The following ARSD variants were observed in gnomAD, a reference collection of about 807,000 sequenced individuals.
The protein encoded by ARSD is testis tissue sperm-binding protein Li 39a.
A neutral mutation model predicts 32.6 loss-of-function variants in ARSD; 21 were observed. The ratio of observed to expected loss-of-function variants is 0.64; its 90% CI spans 0.46 to 0.93. The LOEUF is 0.93. Among genes scored for constraint, ARSD ranks in the 40% least tolerant of loss-of-function variants. The pLI is 0.00. For synonymous variants in ARSD, 224 were observed against 237.4 expected (o/e 0.94, Z 0.52); for missense variants, 454 against 520.9 (o/e 0.87, Z 1.25).
intron 3 of ARSD, 110 bp from the exon 4 acceptor site, chrX:2,920,833 T>TGCTATTATCTATCATCCA: frequency 2.1e-6 from 2 of 959,656 alleles, no homozygotes; most frequent in South Asian, 4.7e-5. Flanking sequence ...CGAGCCAGGC[T>TGCTATTATCTATCATCCA]GCTATTATCT....
At chrX:2,914,528 C>T (rs1339995769) in intron 6 of ARSD, 1 of 947,947 alleles carries the variant, frequency 1.1e-6, no homozygotes, top group Non-Finnish European at 1.3e-6. Flanking sequence ...GCATGAGCCA[C>T]CTTGCCCCAC....
chrX:2,927,579 C>G (rs181351549), intron 1 of ARSD, among the ~76,000 whole-genome samples: 5 of 112,215 alleles, frequency 4.5e-5, no homozygotes, highest in African/African-American at 1.6e-4. Flanking sequence ...AGGCATGAGC[C>G]ACCTCGCCTG....
intron 2 of ARSD, 60 bp from the exon 3 acceptor site, chrX:2,922,084 T>A: frequency 8.8e-7 from 1 of 1,133,566 alleles, no homozygotes; most frequent in South Asian, 2.2e-5. Flanking sequence ...CTTAAGCAGA[T>A]CCCTGCTCTG....
At chrX:2,927,872 A>C (rs2089100671) in intron 1 of ARSD, among the ~76,000 whole-genome samples, 1 of 111,512 alleles carries the variant, frequency 9.0e-6, no homozygotes, top group East Asian at 2.8e-4. Flanking sequence ...CTTCAGTTAC[A>C]TGAGGTGAGC....
At chrX:2,925,114 T>C (rs2089069391) in intron 2 of ARSD, among the ~76,000 whole-genome samples, 1 of 112,546 alleles carries the variant, frequency 8.9e-6, no homozygotes, top group African/African-American at 3.2e-5. Context: ...ACAACAGACG[T>C]TGTTTGCAAA....
intron 1 of ARSD, among the ~76,000 whole-genome samples, chrX:2,928,462 G>A (rs1196881764): frequency 2.6e-5 from 2 of 76,936 alleles, no homozygotes; most frequent in African/African-American, 1.0e-4. Flanking sequence ...AGTGGGATGA[G>A]GGGGAGGGCA....
intron 1 of ARSD, among the ~76,000 whole-genome samples, chrX:2,928,676 G>A (rs1334943651): frequency 3.0e-5 from 3 of 100,946 alleles, no homozygotes; most frequent in Non-Finnish European, 6.0e-5. Context: ...TCGAGCTGGG[G>A]GGTTGGGGGC....
chrX:2,913,800 G>A (rs888572108), intron 6 of ARSD: 2 of 843,769 alleles, frequency 2.4e-6, no homozygotes, highest in African/African-American at 4.3e-5. Flanking sequence ...AGAATCGGCG[G>A]TGGGGCCTGG....
intron 1 of ARSD, among the ~76,000 whole-genome samples, chrX:2,927,521 G>GACCTCA (rs1210073431): frequency 9.0e-6 from 1 of 111,626 alleles, no homozygotes; most frequent in African/African-American, 3.3e-5. Flanking sequence ...TCAAACTCCT[G>GACCTCA]ACCTCAGGTG....
At position 2,909,917 on chromosome X, in the gene ARSD, C is replaced by T; in HGVS notation, c.1198G>A (p.Gly400Arg). ...IRVPGIFHWP[G>R]VLPAGRVIGE... The stretch of plus-strand genomic sequence containing the variant: ...ATCACTCGGCCGGCCGGGAGCACCC[C>T]CGGCCAGTGGAAGATCCCGGGCACG... Residue 400 changes from glycine (G) to arginine (R), a missense_variant, in exon 8 of 10, where the codon GGG becomes AGG. By Grantham distance (125) the Gly-to-Arg change is moderately radical. Around this residue, in one of 3 missense-constraint regions of ARSD, gnomAD observed 179 missense variants for 198.5 expected, o/e 0.90. Transcript: ENST00000381154. 3 of 1,211,155 alleles carry T rather than the reference C, an allele frequency of 2.5e-6. No homozygotes were observed. Among genetic ancestry groups the T allele is most frequent in the Non-Finnish European group, 3.4e-6 (3 of 895,389 alleles).
intron 7 of ARSD, among the ~76,000 whole-genome samples, 170 bp downstream of exon 7, chrX:2,910,488 AC>A (rs1410220663): frequency 1.8e-5 from 2 of 111,557 alleles, no homozygotes; most frequent in Non-Finnish European, 3.8e-5. Flanking sequence ...AGGGGATGTG[AC>A]TTTTTATCTG....
intron 6 of ARSD, among the ~76,000 whole-genome samples, chrX:2,915,080 G>A (rs2088942969): frequency 9.0e-6 from 1 of 111,637 alleles, no homozygotes; most frequent in African/African-American, 3.3e-5. Flanking sequence ...ACTATGTTGT[G>A]CAAGCTGGTT....
chrX:2,922,163 C>T (rs185908513), intron 2 of ARSD, 139 bp from the exon 3 acceptor site: 4 of 780,036 alleles, frequency 5.1e-6, no homozygotes, highest in African/African-American at 4.3e-5. Flanking sequence ...TCTCCTGCAG[C>T]GGTAGATTGA....
intron 5 of ARSD, among the ~76,000 whole-genome samples, chrX:2,916,683 G>A (rs1489109846): frequency 4.5e-5 from 5 of 110,386 alleles, no homozygotes; most frequent in Non-Finnish European, 3.8e-5. Context: ...AAAAAAAATC[G>A]ATCACATGAA....
Position 2,918,586 on chromosome X carries a change from T to A in ARSD, c.440-359A>T, listed in dbSNP as rs539580710. On this transcript the variant is annotated intron_variant, in intron 4 of 9. Coordinates refer to ENST00000381154, the MANE Select transcript of ARSD (RefSeq NM_001669.4). Reference sequence around the variant, plus strand: ...TAACACGGTGAAACCCCGTCCCTACTAAAAAAATACAATACAGGTGGCGGG... The same window carrying A: ...TAACACGGTGAAACCCCGTCCCTACAAAAAAAATACAATACAGGTGGCGGG... 5.5e-4 allele frequency among the ~76,000 whole-genome samples: 60 copies of A among 109,581 alleles called. 1 individual carries two copies. The South Asian group carries it at 0.023, about 43-fold the overall frequency.
In ARSD at chrX:2,921,976, C is replaced by T; in HGVS notation, c.243G>A (p.Gln81=). The change falls in exon 3 of 10, where the codon CAG becomes CAA. Residue 81 remains glutamine, a synonymous_variant. Coordinates refer to ENST00000381154, the MANE Select transcript of ARSD (RefSeq NM_001669.4). ...TGCAGAGCGGGGCGGCCGCCAGGTG[C>T]TGAGTGAGCCTCACACCTTCCTCTG... ...QLAEEGVRLT[Q]HLAAAPLCTP... 7 of 1,210,282 alleles carry T rather than the reference C, an allele frequency of 5.8e-6. No individual in the cohort carries two copies. Among genetic ancestry groups the T allele is most frequent in the Non-Finnish European group, 7.8e-6 (7 of 894,819 alleles).
At chrX:2,923,790 C>T (rs775058558) in intron 2 of ARSD, among the ~76,000 whole-genome samples, 130 of 112,209 alleles carry the variant, frequency 1.2e-3, no homozygotes, top group Middle Eastern at 4.7e-3. Flanking sequence ...GTCAGGACTT[C>T]GACGTAGGCG....
intron 7 of ARSD, 39 bp from the exon 8 acceptor site, chrX:2,910,018 T>C (rs1388577919): frequency 1.7e-6 from 2 of 1,204,317 alleles, no homozygotes; most frequent in Non-Finnish European, 2.2e-6. Context: ...TGCCGGAAAC[T>C]GCCCAGTCTG....
rs762213677 is a variant in ARSD, at chrX:2,923,464, AAAAAC to A, written c.195-1445_195-1441del. On this transcript the variant is annotated intron_variant, in intron 2 of 9. Transcript: ENST00000381154. ...GGCAACAGAGTGAGACCCTGTCTCAAAAAACAAAACAAAATAAAACAGAAAAACAA... is the reference window on the plus strand; with the variant it reads ...GGCAACAGAGTGAGACCCTGTCTCAAAAAACAAAATAAAACAGAAAAACAA... 2.2e-3 allele frequency among the ~76,000 whole-genome samples: 251 copies of A among 111,995 alleles called. 3 individuals are homozygous for A. The highest frequency in any genetic ancestry group is 3.6e-3 in the Non-Finnish European group (191 of 53,220).
Sources: allele counts gnomAD v4.1 joint callset (sites outside exome capture counted in the v4.1 genomes callset), GRCh38; gene constraint gnomAD v4.1.1; regional missense constraint gnomAD v4.1.1; transcripts MANE v1.5; gene names NCBI Gene and HGNC (gene_info 2026-07-23, HGNC 2026-07-21).